The following CSMD1 variants were observed in gnomAD, a reference collection of about 807,000 sequenced individuals.
The protein encoded by CSMD1 is CUB and Sushi multiple domains 1.
CSMD1 carries 213 observed loss-of-function variants against 417.5 expected under a neutral mutation model. That is an observed-to-expected ratio of 0.51 (90% CI 0.46 to 0.57). The LOEUF (loss-of-function observed/expected upper bound fraction) is 0.57. Among genes scored for constraint, CSMD1 ranks in the 20% least tolerant of loss-of-function variants. The probability of loss-of-function intolerance (pLI) is 0.00; values close to 1 mark genes in which losing one functional copy is unlikely to be tolerated. For missense variants in CSMD1, 6,923 were observed against 4,529.7 expected, an observed-to-expected ratio of 1.53 and a Z score of -15.17; for synonymous variants, 2,862 against 1,736.8, an observed-to-expected ratio of 1.65 and a Z score of -16.11.
intron 1 of CSMD1, among the ~76,000 whole-genome samples, chr8:4,689,251 G>T (rs180887325): frequency 6.6e-6 from 1 of 152,154 alleles, no homozygotes; most frequent in Non-Finnish European, 1.5e-5. Flanking sequence ...AAGCGTAACA[G>T]TATGGAAACA....
chr8:4,913,159 ACAG>A (rs1227001390), intron 1 of CSMD1, among the ~76,000 whole-genome samples: 1 of 152,188 alleles, frequency 6.6e-6, no homozygotes, highest in Non-Finnish European at 1.5e-5. Context: ...CAGAACAGGC[ACAG>A]GACAGTGGGT....
chr8:4,980,491 A>G (rs1413132339), intron 1 of CSMD1, among the ~76,000 whole-genome samples: 2 of 152,218 alleles, frequency 1.3e-5, no homozygotes, highest in African/African-American at 4.8e-5. Flanking sequence ...GAAACACTGT[A>G]AAATGAAAGG....
chr8:4,650,026 G>A (rs923867901), intron 1 of CSMD1, among the ~76,000 whole-genome samples: 9 of 152,154 alleles, frequency 5.9e-5, no homozygotes, highest in African/African-American at 1.7e-4. Flanking sequence ...AATTTATCAT[G>A]TCTGGGATGA....
At chr8:4,103,748 G>T (rs976857287) in intron 3 of CSMD1, among the ~76,000 whole-genome samples, 1 of 152,136 alleles carries the variant, frequency 6.6e-6, no homozygotes, top group South Asian at 2.1e-4. Context: ...AGTAGGAAAA[G>T]CTGAAACTTC....
At chr8:2,971,876 T>C (rs1159171777) in intron 57 of CSMD1, among the ~76,000 whole-genome samples, 1 of 152,154 alleles carries the variant, frequency 6.6e-6, no homozygotes, top group Non-Finnish European at 1.5e-5. Context: ...TAGGGCCTAG[T>C]CTTAAGATTT....
intron 5 of CSMD1, among the ~76,000 whole-genome samples, chr8:3,953,847 T>C (rs78803280): frequency 0.021 from 3,240 of 152,142 alleles, 74 homozygotes; most frequent in East Asian, 0.11. Flanking sequence ...CTAGAGAGCC[T>C]AATGTTCTGG....
intron 26 of CSMD1, among the ~76,000 whole-genome samples, chr8:3,262,250 C>A (rs1283604226): frequency 3.4e-5 from 4 of 117,662 alleles, no homozygotes; most frequent in African/African-American, 1.0e-4. Flanking sequence ...TAGTTAATTT[C>A]AAAATTCCGA....
chr8:4,473,745 G>A (rs573816977), intron 2 of CSMD1, among the ~76,000 whole-genome samples: 1 of 152,120 alleles, frequency 6.6e-6, no homozygotes, highest in East Asian at 1.9e-4. Flanking sequence ...ATAAATGTTA[G>A]TTTCTTTTCA....
intron 5 of CSMD1, among the ~76,000 whole-genome samples, chr8:3,795,281 A>G (rs1800004082): frequency 1.8e-5 from 1 of 55,640 alleles, no homozygotes; most frequent in Non-Finnish European, 3.8e-5. Context: ...ATGTACAGAT[A>G]TATATATCAT....
intron 1 of CSMD1, among the ~76,000 whole-genome samples, chr8:4,647,530 G>A (rs1302943703): frequency 6.6e-6 from 1 of 151,942 alleles, no homozygotes; most frequent in East Asian, 1.9e-4. Flanking sequence ...GTTGTTTGCT[G>A]CACCTATTGA....
chr8:4,695,933 T>G (rs1807097979), intron 1 of CSMD1, among the ~76,000 whole-genome samples: 1 of 152,216 alleles, frequency 6.6e-6, no homozygotes, highest in Non-Finnish European at 1.5e-5. Flanking sequence ...TACCATAGGA[T>G]CTACATGAAA....
chr8:3,336,992 A>T (rs1042817342), intron 23 of CSMD1, among the ~76,000 whole-genome samples: 1 of 152,132 alleles, frequency 6.6e-6, no homozygotes, highest in African/African-American at 2.4e-5. Context: ...TATAAATTAG[A>T]CAGGAGCTGT....
intron 10 of CSMD1, among the ~76,000 whole-genome samples, chr8:3,535,422 G>A (rs1175827820): frequency 6.6e-6 from 1 of 152,164 alleles, no homozygotes; most frequent in Non-Finnish European, 1.5e-5. Context: ...ACCTCAAGGG[G>A]TCTTCCCTCC....
rs891375285 is a variant in CSMD1 at position 4,420,126 on chromosome 8, A to T, written c.303-61T>A. On this transcript the variant is annotated intron_variant, in intron 2 of 69. Coordinates refer to ENST00000635120, the MANE Select transcript of CSMD1 (RefSeq NM_033225.6). ...AGCATGAATTTGTCAAAAAAAGCTTATTTGATGAAGTCACTGAATAACTTG... is the reference window on the plus strand; with the variant it reads ...AGCATGAATTTGTCAAAAAAAGCTTTTTTGATGAAGTCACTGAATAACTTG... 3.5e-5 allele frequency: 43 copies of T among 1,212,986 alleles called. No individual in the cohort carries two copies. In the South Asian group the frequency reaches 5.3e-4, roughly 15 times the overall value. The allele number at this position is 1,212,986 out of a possible 1,614,324, so 75.1% of individuals were successfully genotyped here. A position where few individuals can be genotyped will look rare whatever the true frequency, so the allele number is the denominator to read the frequency against.
chr8:4,711,663 G>C (rs933198269), intron 1 of CSMD1, among the ~76,000 whole-genome samples: 2 of 30,680 alleles, frequency 6.5e-5, no homozygotes, highest in Non-Finnish European at 9.9e-5. Flanking sequence ...CTTTACTGTA[G>C]GTAAATTTAA....
intron 10 of CSMD1, among the ~76,000 whole-genome samples, chr8:3,500,324 T>G (rs7003581): frequency 9.9e-5 from 15 of 151,334 alleles, no homozygotes; most frequent in Non-Finnish European, 1.8e-4. Flanking sequence ...TGCTAAGCTT[T>G]GCATGACTTT....
Position 4,036,991 on chromosome 8 carries a change from G to C in CSMD1, c.416-4892C>G, listed in dbSNP as rs941976012. Among the ~76,000 whole-genome samples, 5 of 139,620 alleles carry C rather than the reference G, an allele frequency of 3.6e-5. No individual in the cohort carries two copies. The East Asian group carries it at 1.1e-3, about 30-fold the overall frequency. 91.6% of individuals were successfully genotyped at this position (139,620 alleles called of 152,430 possible). On this transcript the variant is annotated intron_variant, in intron 3 of 69. Transcript: ENST00000635120. The stretch of plus-strand genomic sequence containing the variant: ...TGTGTGTGTGTGTGTGTGTGTGTGT[G>C]TGTGTGATCCTGCCATGGTAGTGTG...
At chr8:3,279,357 ACTT>A (rs1385294394) in intron 26 of CSMD1, among the ~76,000 whole-genome samples, 3 of 152,258 alleles carry the variant, frequency 2.0e-5, no homozygotes, top group Middle Eastern at 3.4e-3. Flanking sequence ...CTGGTATTGG[ACTT>A]CTTGTCAACT....
In CSMD1 at chr8:3,052,643, C is replaced by T. The variant is rs757948271; in HGVS notation, c.7479G>A (p.Val2493=). The T allele has an allele frequency of 2.3e-5, 36 of 1,599,044 alleles. No individual in the cohort carries two copies. The highest frequency in any genetic ancestry group is 1.7e-4 in the Middle Eastern group (1 of 6,028). The change falls in exon 50 of 70, where the codon GTG becomes GTA. Residue 2493 remains valine (V), a synonymous_variant. Transcript: ENST00000635120. ...WDSLTPLCQA[V]SCGIPESPGN... ...CTGGGGATTCTGGGATTCCACAGGA[C>T]ACAGCTGAAAAGAAATGAAACAAAT...
Sources: gnomAD v4.1 joint callset for allele counts (sites outside exome capture counted in the v4.1 genomes callset) on GRCh38, gnomAD v4.1.1 for gene constraint, MANE v1.5 for transcripts, NCBI Gene and HGNC (gene_info 2026-07-23, HGNC 2026-07-21) for gene names.